The following TLN1 variants were observed in gnomAD, a reference collection of about 807,000 sequenced individuals.
The protein encoded by TLN1 is talin-1.
In TLN1, 56 loss-of-function variants were observed where a neutral mutation model predicts 292.3. The observed-to-expected ratio is 0.19, with a 90% confidence interval of 0.15 to 0.24. TLN1 has a LOEUF of 0.24. Among genes scored for constraint, TLN1 ranks in the 10% least tolerant of loss-of-function variants. The pLI is 1.00. For synonymous variants in TLN1, 1,119 were observed against 1,253.7 expected (o/e 0.89, Z 2.27); for missense variants, 2,433 against 3,248.2 (o/e 0.75, Z 6.10).
chr9:35,710,409 G>T, intron 33 of TLN1, 152 bp downstream of exon 33: 2 of 1,068,060 alleles, frequency 1.9e-6, no homozygotes, highest in Non-Finnish European at 2.7e-6. Context: ...TTGCTGACAA[G>T]TGTCTCCACT....
At position 35,717,343 on chromosome 9, in the gene TLN1, G is replaced by A. The variant is rs745636689; in HGVS notation, c.2261C>T (p.Ser754Phe). ...TTGCCCATCCTCTGTAGCTGCCTGG[G>A]AGGCAGACACACAGCCCTCCACGGC... ...AKAVEGCVSA[S>F]QAATEDGQLL... The change falls in exon 19 of 57, where the codon TCC becomes TTC. Residue 754 changes from serine to phenylalanine, a missense_variant. Ser to Phe is a radical substitution (Grantham distance 155, BLOSUM62 -2). This residue lies in a region of TLN1 where 617 missense variants were observed against 770.6 expected (regional missense o/e 0.80). Transcript: ENST00000314888. The surrounding 1 kb of genome is among the most constrained non-coding windows in gnomAD (Gnocchi z 4.7). The A allele has an allele frequency of 6.2e-6, 10 of 1,614,168 alleles. No homozygotes were observed. In the South Asian group the frequency reaches 1.1e-4, roughly 18 times the overall value.
In TLN1 at chr9:35,707,778, C is replaced by G. The variant is rs1225107776; in HGVS notation, c.4585G>C (p.Ala1529Pro). Reference protein sequence around the residue: ...PTAKRQFVQSAKEVANSTANL... With the variant: ...PTAKRQFVQSPKEVANSTANL... Reference sequence around the variant, plus strand: ...GCTGTGCTGTTGGCCACCTCCTTGGCTGACTGTACAAACTGGCGCTTGGCA... The same window carrying G: ...GCTGTGCTGTTGGCCACCTCCTTGGGTGACTGTACAAACTGGCGCTTGGCA... Residue 1529 changes from alanine to proline, a missense_variant, in exon 35 of 57, where the codon GCC (alanine) becomes CCC (proline). Transcript: ENST00000314888. The surrounding 1 kb of genome is among the most constrained non-coding windows in gnomAD (Gnocchi z 5.6). The G allele has an allele frequency of 6.2e-7, 1 of 1,614,202 alleles. No homozygotes were observed. Among genetic ancestry groups the G allele is most frequent in the Admixed American group, 1.7e-5 (1 of 60,024 alleles).
chr9:35,727,702 G>A (rs1276008919), intron 1 of TLN1, among the ~76,000 whole-genome samples: 1 of 152,144 alleles, frequency 6.6e-6, no homozygotes, highest in Non-Finnish European at 1.5e-5. Flanking sequence ...GAAGCTGGAG[G>A]AGTCTGTGGA....
At position 35,711,545 on chromosome 9, in the gene TLN1, A is replaced by G. The variant is rs570286849; in HGVS notation, c.3879+50T>C. The G allele has an allele frequency of 6.4e-5, 103 of 1,612,760 alleles. 3 individuals are homozygous for G. In the South Asian group the frequency reaches 1.0e-3, roughly 16 times the overall value. ...AGGACTGGTCACTCAACTGCCTCCT[A>G]TCTAACCCTTAGTGGGAACCATTCA... On this transcript the variant is annotated intron_variant, in intron 29 of 56. Coordinates refer to ENST00000314888, the MANE Select transcript of TLN1 (RefSeq NM_006289.4).
chr9:35,717,224 GC>G lies in TLN1; in HGVS notation c.2379del (p.Pro794LeufsTer13). 1 of 1,614,116 alleles carries G rather than the reference GC, an allele frequency of 6.2e-7. No homozygotes were observed. Among genetic ancestry groups the G allele is most frequent in the Non-Finnish European group, 8.5e-7 (1 of 1,180,010 alleles). On this transcript the variant is annotated frameshift_variant, in exon 19 of 57. Transcript: ENST00000314888. LOFTEE classifies it high-confidence loss of function. The surrounding 1 kb of genome is among the most constrained non-coding windows in gnomAD (Gnocchi z 4.7). ...QHVKAHATGA[G>X]PAGRYDQATD... ...GTAGCCTGGTCATAACGGCCAGCAG[GC>G]CCAGCCCCTGTGGCATGGGCTTTCA...
intron 34 of TLN1, 110 bp downstream of exon 34, chr9:35,708,231 G>T: frequency 7.3e-7 from 1 of 1,371,442 alleles, no homozygotes; most frequent in Non-Finnish European, 9.8e-7. Flanking sequence ...TGTGTGCAAG[G>T]TCAGAGATGG....
In TLN1 at chr9:35,707,166, C is replaced by A. The variant is rs555267067; in HGVS notation, c.4861G>T (p.Ala1621Ser). Residue 1621 changes from alanine to serine, a missense_variant, in exon 37 of 57, where the codon GCA becomes TCA. Ala to Ser is a moderately conservative substitution (Grantham distance 99). Transcript: ENST00000314888. The surrounding 1 kb of genome is among the most constrained non-coding windows in gnomAD (Gnocchi z 5.6). ...CTCGGGGGGTCCCGGGGATTGACTG[C>A]GAGGGCCCGGGCTGTCTGGATGAGT... ...GGLIQTARAL[A>S]VNPRDPPSWS... 27 of 1,610,218 alleles carry A rather than the reference C, an allele frequency of 1.7e-5. No individual in the cohort carries two copies. The African/African-American group carries it at 2.5e-4, about 15-fold the overall frequency.
At chr9:35,702,442 CAA>C (rs1459040456) in intron 48 of TLN1, among the ~76,000 whole-genome samples, 1 of 152,114 alleles carries the variant, frequency 6.6e-6, no homozygotes, top group African/African-American at 2.4e-5. Flanking sequence ...GTTCGAGAAA[CAA>C]GAGAAAAGCC....
rs1825739473 is a variant in TLN1, at chr9:35,714,397, T to A, written c.2986-24A>T. ...GGCTGTTGGGGAATAGGCAGGTGGA[T>A]GAAGTGTGCCATCCTCCCTCTGGGC... is the stretch of plus-strand genomic sequence containing the variant. On this transcript the variant is annotated intron_variant, in intron 23 of 56. Transcript: ENST00000314888. The surrounding 1 kb of genome is among the most constrained non-coding windows in gnomAD (Gnocchi z 4.6). 6.3e-7 allele frequency: 1 copy of A among 1,597,602 alleles called. No individual in the cohort carries two copies. The highest frequency in any genetic ancestry group is 2.2e-5 in the East Asian group (1 of 44,674).
At position 35,724,485 on chromosome 9, in the gene TLN1, G is replaced by A; in HGVS notation, c.511+87C>T. 1.1e-5 allele frequency: 17 copies of A among 1,570,896 alleles called. No individual in the cohort carries two copies. Among genetic ancestry groups the A allele is most frequent in the South Asian group, 7.1e-5 (6 of 84,856 alleles). ...TTTCTCACTGATGTATCCCCAGGGTGTAAAACAGTGCCTGGCAGAAGCAGA... is the reference window on the plus strand; with the variant it reads ...TTTCTCACTGATGTATCCCCAGGGTATAAAACAGTGCCTGGCAGAAGCAGA... On this transcript the variant is annotated intron_variant, in intron 5 of 56. Coordinates refer to ENST00000314888, the MANE Select transcript of TLN1 (RefSeq NM_006289.4). The surrounding 1 kb of genome is among the most constrained non-coding windows in gnomAD (Gnocchi z 4.7).
In TLN1 at chr9:35,724,824, C is replaced by G. The variant is rs1016628360; in HGVS notation, c.358+6G>C. 18 of 1,614,018 alleles carry G rather than the reference C, an allele frequency of 1.1e-5. No homozygotes were observed. The highest frequency in any genetic ancestry group is 1.5e-5 in the Non-Finnish European group (18 of 1,180,032). On this transcript the variant is annotated splice_donor_region_variant and intron_variant, in intron 4 of 56. Transcript: ENST00000314888. This position sits in a 1 kb window ranked among gnomAD's most constrained non-coding sequence, Gnocchi z 4.7. ...CCAGGCTTTCAACTGTACTAGGGCCCCTTACCAATGCGGGCACAGATGGTC... is the reference window on the plus strand; with the variant it reads ...CCAGGCTTTCAACTGTACTAGGGCCGCTTACCAATGCGGGCACAGATGGTC...
At chr9:35,725,355 A>AAGAC (rs1825954909) in intron 2 of TLN1, 34 bp from the exon 3 acceptor site, 2 of 1,605,906 alleles carry the variant, frequency 1.2e-6, no homozygotes, top group Non-Finnish European at 1.7e-6. Context: ...TAGGCTTATG[A>AAGAC]AGACCCCAAT....
Position 35,698,196 on chromosome 9 carries a change from G to C in TLN1, c.7372-24C>G. 6.2e-7 allele frequency: 1 copy of C among 1,613,626 alleles called. No homozygotes were observed. The highest frequency in any genetic ancestry group is 8.5e-7 in the Non-Finnish European group (1 of 1,179,820). On this transcript the variant is annotated intron_variant, in intron 55 of 56. Transcript: ENST00000314888. The surrounding 1 kb of genome is among the most constrained non-coding windows in gnomAD (Gnocchi z 5.3). Reference sequence around the variant, plus strand: ...GCCTGGGCAGAGAGAAAGTGGCCTAGGTTGAGAACTCAGGTACGGTCCCAG... The same window carrying C: ...GCCTGGGCAGAGAGAAAGTGGCCTACGTTGAGAACTCAGGTACGGTCCCAG...
chr9:35,707,294 CT>C lies in TLN1; in HGVS notation c.4774-42del. The C allele has an allele frequency of 6.2e-7, 1 of 1,607,736 alleles. No individual in the cohort carries two copies. The highest frequency in any genetic ancestry group is 8.5e-7 in the Non-Finnish European group (1 of 1,175,316). On this transcript the variant is annotated intron_variant, in intron 36 of 56. Transcript: ENST00000314888. The surrounding 1 kb of genome is among the most constrained non-coding windows in gnomAD (Gnocchi z 5.6). ...GCAGGAAGGTAAGTCTCAGGAGTCC[CT>C]GGAAGATGAGGTGATAAGCTGGCCC...
chr9:35,707,686 G>T lies in TLN1; in HGVS notation c.4632+45C>A, dbSNP rs751264038. On this transcript the variant is annotated intron_variant, in intron 35 of 56. Coordinates refer to ENST00000314888, the MANE Select transcript of TLN1 (RefSeq NM_006289.4). The surrounding 1 kb of genome is among the most constrained non-coding windows in gnomAD (Gnocchi z 5.6). Reference sequence around the variant, plus strand: ...AATAACTGGGGGACTCGGGGGAGAAGATAGGACAGGTCAGGGAGAGGCTGG... The same window carrying T: ...AATAACTGGGGGACTCGGGGGAGAATATAGGACAGGTCAGGGAGAGGCTGG... The T allele has an allele frequency of 6.2e-7, 1 of 1,613,076 alleles. No individual in the cohort carries two copies.
In TLN1 at chr9:35,723,978, C is replaced by T. The variant is rs1825922582; in HGVS notation, c.756G>A (p.Glu252=). 2 of 1,614,100 alleles carry T rather than the reference C, an allele frequency of 1.2e-6. No individual in the cohort carries two copies. The highest frequency in any genetic ancestry group is 4.5e-5 in the East Asian group (2 of 44,882). Reference sequence around the variant, plus strand: ...CAAGGAAGCCAGCCTTGTGCTTCTGCTCATTGTGGGGCCCAAACTGGATCT... The same window carrying T: ...CAAGGAAGCCAGCCTTGTGCTTCTGTTCATTGTGGGGCCCAAACTGGATCT... ...QCQIQFGPHN[E]QKHKAGFLDL... Residue 252 remains glutamate, a synonymous_variant, in exon 7 of 57, where the codon GAG becomes GAA. Coordinates refer to ENST00000314888, the MANE Select transcript of TLN1 (RefSeq NM_006289.4).
chr9:35,704,422 G>C lies in TLN1; in HGVS notation c.5957C>G (p.Ser1986Cys), dbSNP rs1825526188. The change falls in exon 45 of 57, where the codon TCT becomes TGT. Residue 1986 changes from serine (S) to cysteine (C), a missense_variant. This residue lies in a region of TLN1 where 1,384 missense variants were observed against 1,699.6 expected (regional missense o/e 0.81). Coordinates refer to ENST00000314888, the MANE Select transcript of TLN1 (RefSeq NM_006289.4). This position sits in a 1 kb window ranked among gnomAD's most constrained non-coding sequence, Gnocchi z 6.9. Reference sequence around the variant, plus strand: ...GGTGTCGAGGTCAGCAATGATACCAGACACAGCGCTGGCTGCTGTGATGCA... The same window carrying C: ...GGTGTCGAGGTCAGCAATGATACCACACACAGCGCTGGCTGCTGTGATGCA... Reference protein sequence around the residue: ...QACITAASAVSGIIADLDTTI... With the variant: ...QACITAASAVCGIIADLDTTI... The C allele has an allele frequency of 6.2e-7, 1 of 1,614,222 alleles. No individual in the cohort carries two copies. Among genetic ancestry groups the C allele is most frequent in the Non-Finnish European group, 8.5e-7 (1 of 1,180,032 alleles).
chr9:35,710,638 C>T lies in TLN1; in HGVS notation c.4249G>A (p.Gly1417Arg), dbSNP rs1315216327. The T allele has an allele frequency of 8.7e-6, 14 of 1,614,106 alleles. No homozygotes were observed. The highest frequency in any genetic ancestry group is 4.4e-5 in the South Asian group (4 of 91,090). ...MTGISQNAKN[G>R]NLPEFGDAIS... ...GCATCTCCAAACTCTGGCAGGTTTC[C>T]GTTCTTGGCATTTTGGGAGATGCCA... Residue 1417 changes from glycine to arginine, a missense_variant, in exon 33 of 57, where the codon GGA becomes AGA. Gly to Arg is a moderately radical substitution (Grantham distance 125). Coordinates refer to ENST00000314888, the MANE Select transcript of TLN1 (RefSeq NM_006289.4).
At position 35,724,950 on chromosome 9, in the gene TLN1, C is replaced by A. The variant is rs1825942193; in HGVS notation, c.238G>T (p.Glu80Ter). ...AGGGGTCTCTGTTTCTTCCTGTACT[C>A]CATAGTGTCCTGTTAGGGCAGGAAG... ...YYMLRNGDTMEYRKKQRPLKI... is the reference protein window; with the variant it reads ...YYMLRNGDTM The change falls in exon 4 of 57, where the codon GAG becomes TAG. Residue 80 changes from glutamate (E) to a stop codon, truncating the protein, a stop_gained. Coordinates refer to ENST00000314888, the MANE Select transcript of TLN1 (RefSeq NM_006289.4). LOFTEE classifies it high-confidence loss of function. The surrounding 1 kb of genome is among the most constrained non-coding windows in gnomAD (Gnocchi z 4.7). 6.2e-7 allele frequency: 1 copy of A among 1,613,986 alleles called. No homozygotes were observed. Among genetic ancestry groups the A allele is most frequent in the Non-Finnish European group, 8.5e-7 (1 of 1,180,048 alleles).
Sources: allele counts gnomAD v4.1 joint callset (sites outside exome capture counted in the v4.1 genomes callset), GRCh38; gene constraint gnomAD v4.1.1; regional missense constraint gnomAD v4.1.1; non-coding constraint Gnocchi (gnomAD v3.1); transcripts MANE v1.5; gene names NCBI Gene and HGNC (gene_info 2026-07-23, HGNC 2026-07-21).